SASH1: variants seen among roughly 807,000 people sequenced by gnomAD.
SASH1 encodes SAM and SH3 domain containing 1.
In SASH1, 44 loss-of-function variants were observed where a neutral mutation model predicts 125.2. That is an observed-to-expected ratio of 0.35 (90% CI 0.28 to 0.45). The LOEUF is 0.45. SASH1 is among the 20% of genes least tolerant of loss of function. The pLI, the probability that SASH1 is intolerant of heterozygous loss-of-function variation, is 1.00. For synonymous variants in SASH1, 639 were observed against 649.1 expected (o/e 0.98, Z 0.24); for missense variants, 1,426 against 1,614.5 (o/e 0.88, Z 2.00).
upstream of SASH1, chr6:148,272,295 A>G: frequency 2.1e-6 from 1 of 467,778 alleles, no homozygotes; most frequent in Non-Finnish European, 4.4e-6. Flanking sequence ...CTGCAGATTC[A>G]TGCGATCTGA....
At chr6:148,323,778 A>C (rs906858122) in intron 1 of SASH1, among the ~76,000 whole-genome samples, 1 of 152,118 alleles carries the variant, frequency 6.6e-6, no homozygotes, top group African/African-American at 2.4e-5. Context: ...CATGAGCCAC[A>C]TGTATGGAGG....
intron 8 of SASH1, 155 bp from the exon 9 acceptor site, chr6:148,514,169 A>G (rs1780303468): frequency 9.8e-6 from 14 of 1,429,996 alleles, no homozygotes; most frequent in Non-Finnish European, 1.2e-5. Context: ...GGTATGTGGC[A>G]CTTTGTAAAC....
In SASH1 at chr6:148,533,145, G is replaced by A. The variant is rs113782410; in HGVS notation, c.1734+179G>A. ...ACAGAACAAGAACCAGCCAGCCCTC[G>A]AGGCAGAGGGAGGGTCTCGTGTTAA... On this transcript the variant is annotated intron_variant, in intron 14 of 19. Coordinates refer to ENST00000367467, the MANE Select transcript of SASH1 (RefSeq NM_015278.5). This position sits in a 1 kb window ranked among gnomAD's most constrained non-coding sequence, Gnocchi z 6.2. Among the ~76,000 whole-genome samples the A allele has an allele frequency of 3.9e-5, 6 of 152,190 alleles. No homozygotes were observed. The highest frequency in any genetic ancestry group is 1.2e-4 in the African/African-American group (5 of 41,514).
rs781320600 is a variant in SASH1, at chr6:148,343,106, TGAGCCCGAGCCCGAGCCG to T, written c.53_70del (p.Glu18_Pro23del). 2.9e-5 allele frequency: 45 copies of T among 1,573,502 alleles called. No individual in the cohort carries two copies. Among genetic ancestry groups the T allele is most frequent in the South Asian group, 2.0e-4 (18 of 88,378 alleles). ...GAGCAGCTGGCCCGGGGCCGGAGCC[TGAGCCCGAGCCCGAGCCG>T]GAGCCCGAGCCCGCGCCGGAGCCGG... On this transcript the variant is annotated inframe_deletion, in exon 1 of 20. Coordinates refer to ENST00000367467, the MANE Select transcript of SASH1 (RefSeq NM_015278.5).
chr6:148,324,339 A>G (rs1217483396), intron 1 of SASH1, among the ~76,000 whole-genome samples: 2 of 152,094 alleles, frequency 1.3e-5, no homozygotes, highest in African/African-American at 4.8e-5. Flanking sequence ...AAAAACAGTT[A>G]AAATTCCACA....
the SASH1 span, among the ~76,000 whole-genome samples, chr6:148,248,109 G>T: frequency 6.6e-6 from 1 of 152,166 alleles, no homozygotes; most frequent in Non-Finnish European, 1.5e-5. Flanking sequence ...ATACAAGTCC[G>T]AAATATTTAA....
the SASH1 span, among the ~76,000 whole-genome samples, chr6:148,239,141 G>A: frequency 2.6e-5 from 4 of 152,132 alleles, no homozygotes; most frequent in Admixed American, 6.5e-5. Flanking sequence ...AGGGCTTTGC[G>A]CTCACTGATT....
rs375641782 is a variant in SASH1 at position 148,450,205 on chromosome 6, C to T, written c.386+9798C>T. ...AGAAATTGCTTTTGGATTTATCTCCCGAAAATACACTCAGGCCACATCTCA... is the reference window on the plus strand; with the variant it reads ...AGAAATTGCTTTTGGATTTATCTCCTGAAAATACACTCAGGCCACATCTCA... On this transcript the variant is annotated intron_variant, in intron 4 of 19. Coordinates refer to ENST00000367467, the MANE Select transcript of SASH1 (RefSeq NM_015278.5). Among the ~76,000 whole-genome samples the T allele has an allele frequency of 3.9e-5, 6 of 152,134 alleles. No homozygotes were observed. The East Asian group carries it at 9.6e-4, about 24-fold the overall frequency.
chr6:148,448,063 G>T (rs13219804), intron 4 of SASH1, among the ~76,000 whole-genome samples: 1 of 151,644 alleles, frequency 6.6e-6, no homozygotes, highest in Non-Finnish European at 1.5e-5. Flanking sequence ...AAGTGGCCTG[G>T]TACTTGGCCT....
At chr6:148,402,043 A>T (rs570814329) in intron 2 of SASH1, among the ~76,000 whole-genome samples, 4 of 152,292 alleles carry the variant, frequency 2.6e-5, no homozygotes, top group African/African-American at 7.2e-5. Flanking sequence ...AAGATTAAAC[A>T]TTTCCTTCTA....
At chr6:148,326,957 CTT>C (rs1454690071) in intron 1 of SASH1, among the ~76,000 whole-genome samples, 1 of 152,162 alleles carries the variant, frequency 6.6e-6, no homozygotes, top group East Asian at 1.9e-4. Context: ...CATCTCCAGA[CTT>C]TTCCTTTTGC....
chr6:148,548,228 A>T, intron 19 of SASH1, 67 bp from the exon 20 acceptor site: 1 of 1,417,544 alleles, frequency 7.1e-7, no homozygotes, highest in South Asian at 1.3e-5. Context: ...TTCCTTTTAG[A>T]CATACGCGAA....
At chr6:148,208,890 A>G in the SASH1 span, among the ~76,000 whole-genome samples, 3 of 152,248 alleles carry the variant, frequency 2.0e-5, no homozygotes, top group African/African-American at 7.2e-5. Context: ...TAGCAGTAAT[A>G]AGATGTGGCC....
the SASH1 span, among the ~76,000 whole-genome samples, chr6:148,201,485 G>A: frequency 6.6e-6 from 1 of 152,092 alleles, no homozygotes. Flanking sequence ...TCCCCCCAGA[G>A]TTTCTGATTC....
intron 1 of SASH1, among the ~76,000 whole-genome samples, chr6:148,350,655 C>T (rs1007167616): frequency 1.3e-5 from 2 of 152,124 alleles, no homozygotes; most frequent in African/African-American, 2.4e-5. Flanking sequence ...CTGTAATAGA[C>T]GATGTGCCTA....
Position 148,495,905 on chromosome 6 carries a change from G to A in SASH1, c.729+8190G>A, listed in dbSNP as rs377015081. Among the ~76,000 whole-genome samples the A allele has an allele frequency of 2.0e-4, 31 of 152,206 alleles. 1 individual carries two copies. Among genetic ancestry groups the A allele is most frequent in the East Asian group, 5.8e-4 (3 of 5,182 alleles). On this transcript the variant is annotated intron_variant, in intron 8 of 19. Coordinates refer to ENST00000367467, the MANE Select transcript of SASH1 (RefSeq NM_015278.5). The surrounding 1 kb of genome is among the most constrained non-coding windows in gnomAD (Gnocchi z 4.0). The stretch of plus-strand genomic sequence containing the variant: ...GGCTGGAGTGCAGTGGCACGATCTC[G>A]GCCCTCTGCAACCTCCACCTCCTGG...
intron 1 of SASH1, among the ~76,000 whole-genome samples, chr6:148,382,782 AG>A (rs2114791128): frequency 6.6e-6 from 1 of 152,324 alleles, no homozygotes; most frequent in South Asian, 2.1e-4. Context: ...TGCCAAAGCC[AG>A]GATTTGACAT....
At chr6:148,460,240 C>T (rs1365862507) in intron 4 of SASH1, among the ~76,000 whole-genome samples, 3 of 152,088 alleles carry the variant, frequency 2.0e-5, no homozygotes, top group African/African-American at 7.2e-5. Flanking sequence ...GCAAGATGCC[C>T]TTTTGAGACA....
intron 1 of SASH1, among the ~76,000 whole-genome samples, chr6:148,375,842 C>T (rs1016931063): frequency 6.6e-6 from 1 of 152,044 alleles, no homozygotes; most frequent in African/African-American, 2.4e-5. Context: ...CAACAGAGTT[C>T]CCCTATACCT....
Sources: allele counts gnomAD v4.1 joint callset (sites outside exome capture counted in the v4.1 genomes callset), GRCh38; gene constraint gnomAD v4.1.1; non-coding constraint Gnocchi (gnomAD v3.1); transcripts MANE v1.5; gene names NCBI Gene and HGNC (gene_info 2026-07-23, HGNC 2026-07-21).